The following RGPD8 variants were observed in gnomAD, a reference collection of about 807,000 sequenced individuals.
The protein encoded by RGPD8 is RANBP2 like and GRIP domain containing 8.
RGPD8 carries 15 observed loss-of-function variants against 89.1 expected under a neutral mutation model. That is an observed-to-expected ratio of 0.17 (90% CI 0.11 to 0.26). The LOEUF (loss-of-function observed/expected upper bound fraction) is 0.26. Among genes scored for constraint, RGPD8 ranks in the 10% least tolerant of loss-of-function variants. The probability of loss-of-function intolerance (pLI) is 1.00; values close to 1 mark genes in which losing one functional copy is unlikely to be tolerated. For missense variants in RGPD8, 178 were observed against 1,179.6 expected, an observed-to-expected ratio of 0.15 and a Z score of 12.44; for synonymous variants, 62 against 420.9, an observed-to-expected ratio of 0.15 and a Z score of 10.44.
chr2:112,417,112 G>A (rs1387132897), intron 6 of RGPD8, 81 bp downstream of exon 6: 113 of 1,606,842 alleles, frequency 7.0e-5, no homozygotes, highest in Non-Finnish European at 7.1e-5. Context: ...ATGATTCAGT[G>A]AAGAAGTTTA....
intron 1 of RGPD8, among the ~76,000 whole-genome samples, chr2:112,430,454 G>GAAA (rs58259625): frequency 6.6e-6 from 1 of 151,710 alleles, no homozygotes; most frequent in South Asian, 2.1e-4. Context: ...ATTTGGGGGG[G>GAAA]AAAAAAAGAC....
intron 22 of RGPD8, among the ~76,000 whole-genome samples, chr2:112,374,886 G>A (rs1309261312): frequency 1.9e-4 from 27 of 139,204 alleles, no homozygotes; most frequent in South Asian, 1.1e-3. Context: ...TTTGAGATAG[G>A]AGTTTTGCTC....
At chr2:112,423,639 G>C (rs1455640635) in intron 2 of RGPD8, among the ~76,000 whole-genome samples, 1 of 144,266 alleles carries the variant, frequency 6.9e-6, no homozygotes, top group African/African-American at 2.6e-5. Flanking sequence ...AGAAGGCAGA[G>C]GTTACAGTGA....
intron 6 of RGPD8, among the ~76,000 whole-genome samples, chr2:112,415,915 C>T (rs1679386297): frequency 6.6e-6 from 1 of 151,564 alleles, no homozygotes; most frequent in Non-Finnish European, 1.5e-5. Context: ...CCATCCTGAA[C>T]CCCGTCTCTA....
chr2:112,410,582 C>A (rs527543911), intron 7 of RGPD8, among the ~76,000 whole-genome samples: 113 of 150,460 alleles, frequency 7.5e-4, no homozygotes, highest in African/African-American at 2.7e-3. Context: ...TCGAGACCAT[C>A]CTGGCTAACA....
chr2:112,370,352 G>GA (rs1392610400), intron 22 of RGPD8, 140 bp from the exon 23 acceptor site: 2 of 529,630 alleles, frequency 3.8e-6, no homozygotes, highest in African/African-American at 4.3e-5. Flanking sequence ...TTTTGGTGGG[G>GA]GGGGGGGTTC....
chr2:112,430,644 C>CT (rs60900008), intron 1 of RGPD8, among the ~76,000 whole-genome samples: 182 of 130,668 alleles, frequency 1.4e-3, no homozygotes, highest in South Asian at 2.5e-3. Flanking sequence ...TCTAAGGTTG[C>CT]TTTTTTTTTT....
chr2:112,370,371 T>A (rs1677927662), intron 22 of RGPD8, among the ~76,000 whole-genome samples, 159 bp from the exon 23 acceptor site: 2 of 143,750 alleles, frequency 1.4e-5, no homozygotes, highest in South Asian at 2.2e-4. Flanking sequence ...TCTTTTTTTT[T>A]TTTTTTTTTT....
chr2:112,379,821 G>C (rs1678220919), intron 21 of RGPD8, among the ~76,000 whole-genome samples: 1 of 143,660 alleles, frequency 7.0e-6, no homozygotes, highest in Non-Finnish European at 1.5e-5. Flanking sequence ...GCCTTGCACA[G>C]TGGCAGGACA....
At chr2:112,433,278 T>C (rs1417390319) in intron 1 of RGPD8, 104 bp downstream of exon 1, 2 of 1,228,254 alleles carry the variant, frequency 1.6e-6, no homozygotes, top group African/African-American at 1.9e-5. Context: ...GCAGCGCCCG[T>C]CGGGAGCCAT....
At chr2:112,402,523 G>GAAAAGAAAAGAAAAGAAAAGA (rs1678907641) in intron 9 of RGPD8, among the ~76,000 whole-genome samples, 2 of 152,074 alleles carry the variant, frequency 1.3e-5, no homozygotes, top group African/African-American at 4.8e-5. Flanking sequence ...GAAAAGAAAA[G>GAAAAGAAAAGAAAAGAAAAGA]AAAAGAAAAG....
intron 1 of RGPD8, among the ~76,000 whole-genome samples, chr2:112,431,782 G>T (rs1272177999): frequency 6.6e-6 from 1 of 152,030 alleles, no homozygotes; most frequent in Non-Finnish European, 1.5e-5. Flanking sequence ...GACTACAGGC[G>T]TGCGCCACCA....
chr2:112,415,043 T>G (rs1679331315), intron 6 of RGPD8, among the ~76,000 whole-genome samples: 1 of 142,032 alleles, frequency 7.0e-6, no homozygotes, highest in Non-Finnish European at 1.5e-5. Flanking sequence ...ATCGAGACCA[T>G]CCTGGCCAAC....
intron 1 of RGPD8, chr2:112,432,618 C>G (rs1440397665): frequency 4.1e-6 from 4 of 985,144 alleles, no homozygotes; most frequent in East Asian, 1.1e-4. Flanking sequence ...CGACCTCCGC[C>G]GCGGCATATA....
intron 1 of RGPD8, chr2:112,432,603 A>C: frequency 1.0e-6 from 1 of 985,218 alleles, no homozygotes. Flanking sequence ...CAGGCCAAGG[A>C]GGTACGACCT....
At chr2:112,424,117 T>A (rs1679658184) in intron 2 of RGPD8, 123 bp downstream of exon 2, 14 of 1,232,352 alleles carry the variant, frequency 1.1e-5, no homozygotes, top group Non-Finnish European at 8.8e-6. Flanking sequence ...GAGTGATAAA[T>A]CCCTTATTCC....
intron 7 of RGPD8, among the ~76,000 whole-genome samples, chr2:112,410,226 TGCAG>T (rs890002608): frequency 1.4e-5 from 2 of 141,524 alleles, no homozygotes; most frequent in African/African-American, 6.0e-5. Context: ...AGGCGGAGCT[TGCAG>T]TGAGCCGAGG....
intron 1 of RGPD8, chr2:112,432,531 T>G: frequency 1.0e-6 from 1 of 985,350 alleles, no homozygotes; most frequent in Non-Finnish European, 1.2e-6. Context: ...GATGCCTACC[T>G]TGTCACTCGA....
chr2:112,373,329 G>A (rs199979325), intron 22 of RGPD8, among the ~76,000 whole-genome samples: 7 of 152,272 alleles, frequency 4.6e-5, no homozygotes, highest in Admixed American at 1.3e-4. Flanking sequence ...GTTGTAACAC[G>A]CTACTCTGAG....
Sources: gnomAD v4.1 joint callset for allele counts (sites outside exome capture counted in the v4.1 genomes callset) on GRCh38, gnomAD v4.1.1 for gene constraint, MANE v1.5 for transcripts, NCBI Gene and HGNC (gene_info 2026-07-23, HGNC 2026-07-21) for gene names.